SLC12A6: variants seen among roughly 807,000 people sequenced by gnomAD.
SLC12A6 encodes solute carrier family 12 member 6.
SLC12A6 carries 66 observed loss-of-function variants against 135.3 expected under a neutral mutation model. The observed-to-expected ratio is 0.49, with a 90% confidence interval of 0.40 to 0.60. The LOEUF is 0.60. Ranked by LOEUF, SLC12A6 falls within the 20% of genes least tolerant of loss-of-function variation. SLC12A6 has a pLI of 0.00. For missense variants in SLC12A6, 1,058 were observed against 1,452.3 expected, an observed-to-expected ratio of 0.73 and a Z score of 4.41; for synonymous variants, 513 against 508.8, an observed-to-expected ratio of 1.01 and a Z score of -0.11.
At chr15:34,270,867 A>G (rs887368568) in intron 3 of SLC12A6, among the ~76,000 whole-genome samples, 1 of 151,970 alleles carries the variant, frequency 6.6e-6, no homozygotes, top group Non-Finnish European at 1.5e-5. Context: ...AAGAGGTTTA[A>G]TTGACTCCAA....
intron 3 of SLC12A6, among the ~76,000 whole-genome samples, chr15:34,262,534 G>C (rs1893216510): frequency 6.6e-6 from 1 of 152,174 alleles, no homozygotes; most frequent in Admixed American, 6.5e-5. Context: ...TCTGCCAGTG[G>C]AGGGCAGCTA....
At chr15:34,243,755 C>A (rs1891803392) in intron 16 of SLC12A6, among the ~76,000 whole-genome samples, 1 of 152,072 alleles carries the variant, frequency 6.6e-6, no homozygotes, top group Admixed American at 6.5e-5. Flanking sequence ...CTATTTAGTG[C>A]TTTTGCTCTA....
At chr15:34,257,120 A>G (rs1892808580) in intron 6 of SLC12A6, among the ~76,000 whole-genome samples, 2 of 152,258 alleles carry the variant, frequency 1.3e-5, no homozygotes, top group Admixed American at 1.3e-4. Context: ...TGTCTGGGAT[A>G]CATAATGAGA....
chr15:34,242,599 ATACT>A (rs1338991497), intron 16 of SLC12A6, among the ~76,000 whole-genome samples: 7 of 152,234 alleles, frequency 4.6e-5, no homozygotes, highest in East Asian at 3.9e-4. Flanking sequence ...AGGACAATTA[ATACT>A]TACTTGGCAA....
intron 2 of SLC12A6, chr15:34,318,570 C>G (rs1486268700): frequency 6.2e-7 from 1 of 1,613,844 alleles, no homozygotes; most frequent in Non-Finnish European, 8.5e-7. Context: ...CCTGGTTCAT[C>G]TGAATCCTGA....
intron 2 of SLC12A6, among the ~76,000 whole-genome samples, chr15:34,319,261 G>A (rs1444189392): frequency 3.3e-5 from 5 of 150,850 alleles, no homozygotes; most frequent in East Asian, 2.0e-4. Flanking sequence ...TCAGCCTCAC[G>A]AGTAGCTGGG....
At chr15:34,292,990 CCTGCTTTGG>C (rs1254525091) in intron 2 of SLC12A6, among the ~76,000 whole-genome samples, 4 of 152,190 alleles carry the variant, frequency 2.6e-5, no homozygotes, top group Non-Finnish European at 5.9e-5. Flanking sequence ...AATGCCCCAC[CCTGCTTTGG>C]CTCACCCTCC....
At chr15:34,314,331 G>A (rs1293228816) in intron 2 of SLC12A6, among the ~76,000 whole-genome samples, 1 of 152,188 alleles carries the variant, frequency 6.6e-6, no homozygotes, top group Non-Finnish European at 1.5e-5. Flanking sequence ...ACAGGTGTGA[G>A]CCACTGCACC....
chr15:34,233,689 T>C lies in SLC12A6; in HGVS notation c.*192A>G. ...CTGATGTTGAGGGAATATTTGCTTT[T>C]TCTGTAATGACTGCAGATCAGATGG... On this transcript the variant is annotated 3_prime_UTR_variant, in exon 26 of 26. Transcript: ENST00000354181. 1.7e-6 allele frequency: 1 copy of C among 599,360 alleles called. No homozygotes were observed. Among genetic ancestry groups the C allele is most frequent in the Non-Finnish European group, 3.0e-6 (1 of 330,084 alleles). The allele number at this position is 599,360 out of a possible 1,614,324, so 37.1% of individuals were successfully genotyped here. A position where few individuals can be genotyped will look rare whatever the true frequency, so the allele number is the denominator to read the frequency against.
intron 13 of SLC12A6, among the ~76,000 whole-genome samples, chr15:34,246,707 C>T (rs1310971390): frequency 6.6e-6 from 1 of 151,754 alleles, no homozygotes; most frequent in Non-Finnish European, 1.5e-5. Flanking sequence ...AGTACAGTGA[C>T]GCTATCTCAG....
intron 3 of SLC12A6, among the ~76,000 whole-genome samples, chr15:34,262,634 T>C (rs1893226608): frequency 6.6e-6 from 1 of 152,126 alleles, no homozygotes; most frequent in Non-Finnish European, 1.5e-5. Flanking sequence ...GGGCTGCAGA[T>C]GGTGGGACTA....
chr15:34,337,848 C>G (rs1890301805), upstream of SLC12A6: 1 of 152,232 alleles, frequency 6.6e-6, no homozygotes, highest in African/African-American at 2.4e-5. Context: ...CGGCCCGACG[C>G]CAGAGCAGCA....
chr15:34,252,085 TATGG>T (rs1892429542), intron 10 of SLC12A6, 81 bp downstream of exon 10: 1 of 731,146 alleles, frequency 1.4e-6, no homozygotes. Flanking sequence ...AGTGAATCTT[TATGG>T]ACAGTAGAGG....
chr15:34,327,986 C>T (rs1022095922), intron 2 of SLC12A6, among the ~76,000 whole-genome samples: 2 of 151,738 alleles, frequency 1.3e-5, no homozygotes, highest in Admixed American at 6.6e-5. Context: ...CTCAAGGCCA[C>T]GACAAATATA....
intron 3 of SLC12A6, among the ~76,000 whole-genome samples, chr15:34,274,625 C>T (rs1490245093): frequency 3.3e-5 from 5 of 151,964 alleles, no homozygotes; most frequent in Non-Finnish European, 5.9e-5. Context: ...CCATCCTGGC[C>T]GACATGGTGA....
intron 2 of SLC12A6, chr15:34,318,792 G>C: frequency 6.4e-7 from 1 of 1,569,848 alleles, no homozygotes; most frequent in Non-Finnish European, 8.6e-7. Flanking sequence ...GCCTACAAGA[G>C]ACAGTGGCTG....
intron 2 of SLC12A6, among the ~76,000 whole-genome samples, chr15:34,321,457 C>A (rs893016274): frequency 1.3e-5 from 2 of 152,118 alleles, no homozygotes; most frequent in African/African-American, 4.8e-5. Context: ...CTACACTCAC[C>A]AAGATGGCTA....
intron 7 of SLC12A6, 56 bp downstream of exon 7, chr15:34,256,173 G>T: frequency 9.1e-7 from 1 of 1,102,714 alleles, no homozygotes; most frequent in Non-Finnish European, 1.4e-6. Context: ...TAGCTTTATA[G>T]CATAAACACA....
chr15:34,296,270 A>AGGCCGGGCGCGGTGGCTCACGCCTGT (rs1895873300), intron 2 of SLC12A6, among the ~76,000 whole-genome samples: 1 of 152,208 alleles, frequency 6.6e-6, no homozygotes. Flanking sequence ...ACTAAGAAAG[A>AGGCCGGGCGCGGTGGCTCACGCCTGT]ATGATGGTAA....
Sources: gnomAD v4.1 joint callset for allele counts (sites outside exome capture counted in the v4.1 genomes callset) on GRCh38, gnomAD v4.1.1 for gene constraint, MANE v1.5 for transcripts, NCBI Gene and HGNC (gene_info 2026-07-23, HGNC 2026-07-21) for gene names.